CEMIP: variants seen among roughly 807,000 people sequenced by gnomAD.
CEMIP encodes the protein cell migration-inducing and hyaluronan-binding protein.
CEMIP carries 105 observed loss-of-function variants against 156.9 expected under a neutral mutation model. The observed-to-expected ratio is 0.67, with a 90% CI of 0.57 to 0.79. The LOEUF (loss-of-function observed/expected upper bound fraction) is 0.79, where lower values mean the gene tolerates loss of function less well. Among genes scored for constraint, CEMIP ranks in the 30% least tolerant of loss-of-function variants. CEMIP has a pLI of 0.00. For synonymous variants in CEMIP, 676 were observed against 668.4 expected (o/e 1.01, Z -0.17); for missense variants, 1,457 against 1,769.4 (o/e 0.82, Z 3.17).
At chr15:80,852,425 A>G (rs1897736462) in intron 1 of CEMIP, among the ~76,000 whole-genome samples, 1 of 152,042 alleles carries the variant, frequency 6.6e-6, no homozygotes, top group Admixed American at 6.6e-5. Context: ...AGGTACGATT[A>G]CTAACCAGTA....
rs1390023156 is a variant in CEMIP at position 80,899,239 on chromosome 15, G to A, written c.1411+3179G>A. The stretch of plus-strand genomic sequence containing the variant: ...AAAAAAAAAAAAAAAGAAAGAAAGA[G>A]AGAAAGAAAACACATACAATGTGCC... On this transcript the variant is annotated intron_variant, in intron 12 of 29. Coordinates refer to ENST00000394685, the MANE Select transcript of CEMIP (RefSeq NM_001293298.2). Among the ~76,000 whole-genome samples, 7 of 116,138 alleles carry A rather than the reference G, an allele frequency of 6.0e-5. No homozygotes were observed. In the East Asian group the frequency reaches 7.8e-4, roughly 13 times the overall value. The allele number at this position is 116,138 out of a possible 152,430, so 76.2% of individuals were successfully genotyped here.
In CEMIP at chr15:80,945,615, C is replaced by G. The variant is rs113821173; in HGVS notation, c.3858-1350C>G. On this transcript the variant is annotated intron_variant, in intron 28 of 29. Coordinates refer to ENST00000394685, the MANE Select transcript of CEMIP (RefSeq NM_001293298.2). ...CCTTCCCATCTATCCTTATTTCACA[C>G]AAGCCCTTCGCATCTTAAGATCTTT... 3.9e-3 allele frequency among the ~76,000 whole-genome samples: 598 copies of G among 152,348 alleles called. 3 individuals carry two copies. Among genetic ancestry groups the G allele is most frequent in the African/African-American group, 0.014 (565 of 41,578 alleles).
chr15:80,907,875 T>C (rs1448717594), intron 13 of CEMIP, among the ~76,000 whole-genome samples: 2 of 152,228 alleles, frequency 1.3e-5, no homozygotes, highest in Admixed American at 1.3e-4. Context: ...CTAAGACAGT[T>C]CTCGTAAAGC....
rs575893539 is a variant in CEMIP, at chr15:80,932,892, T to A, written c.2794-353T>A. On this transcript the variant is annotated intron_variant, in intron 22 of 29. Coordinates refer to ENST00000394685, the MANE Select transcript of CEMIP (RefSeq NM_001293298.2). This position sits in a 1 kb window ranked among gnomAD's most constrained non-coding sequence, Gnocchi z 4.5. ...TTCTCATACACACATCACCCCCACC[T>A]CCCTCTCACACACAGTCACACTCAC... is the stretch of plus-strand genomic sequence containing the variant. Among the ~76,000 whole-genome samples the A allele has an allele frequency of 5.3e-5, 8 of 152,106 alleles. No homozygotes were observed. In the South Asian group the frequency reaches 1.7e-3, roughly 32 times the overall value.
intron 1 of CEMIP, among the ~76,000 whole-genome samples, chr15:80,844,284 T>G (rs1897501489): frequency 6.6e-6 from 1 of 152,208 alleles, no homozygotes; most frequent in African/African-American, 2.4e-5. Context: ...GGGGCCTCTC[T>G]GCCTGCGCCC....
At position 80,919,673 on chromosome 15, in the gene CEMIP, G is replaced by A. The variant is rs372396781; in HGVS notation, c.1798-421G>A. On this transcript the variant is annotated intron_variant, in intron 14 of 29. Transcript: ENST00000394685. Reference sequence around the variant, plus strand: ...CTGAAAACACGCAGAAAATTAGCTGGGTGTGGGGGCGTGTGCCTATAGTCC... The same window carrying A: ...CTGAAAACACGCAGAAAATTAGCTGAGTGTGGGGGCGTGTGCCTATAGTCC... 5.9e-5 allele frequency among the ~76,000 whole-genome samples: 9 copies of A among 152,144 alleles called. No homozygotes were observed. In the East Asian group the frequency reaches 1.5e-3, roughly 26 times the overall value.
At chr15:80,821,426 C>A (rs1240077821) in intron 1 of CEMIP, among the ~76,000 whole-genome samples, 1 of 152,142 alleles carries the variant, frequency 6.6e-6, no homozygotes, top group Non-Finnish European at 1.5e-5. Flanking sequence ...AGTACAGGTG[C>A]TTTCTAGGAA....
At chr15:80,821,539 C>T (rs187355126) in intron 1 of CEMIP, among the ~76,000 whole-genome samples, 15 of 152,020 alleles carry the variant, frequency 9.9e-5, no homozygotes, top group East Asian at 5.8e-4. Context: ...TAATAGGGTC[C>T]GAAAATAGAA....
At chr15:80,889,776 C>T (rs572027820) in intron 10 of CEMIP, among the ~76,000 whole-genome samples, 184 bp downstream of exon 10, 24 of 152,318 alleles carry the variant, frequency 1.6e-4, no homozygotes, top group African/African-American at 5.5e-4. Flanking sequence ...TGCCCAAAAG[C>T]CAGGGCTCAG....
intron 25 of CEMIP, among the ~76,000 whole-genome samples, chr15:80,938,835 C>CAGCT (rs1220843912): frequency 1.3e-5 from 2 of 152,144 alleles, no homozygotes; most frequent in Non-Finnish European, 2.9e-5. Context: ...AATGCCAACC[C>CAGCT]AGCTCCACAG....
In CEMIP at chr15:80,924,688, T is replaced by C; in HGVS notation, c.2270T>C (p.Leu757Pro). ...TCTGCCAAGGACAAGCGGCCGTTCCTCTCAATCATCTCTGCCAGGTAATCA... is the reference window on the plus strand; with the variant it reads ...TCTGCCAAGGACAAGCGGCCGTTCCCCTCAATCATCTCTGCCAGGTAATCA... ...EASAKDKRPF[L>P]SIISARYSPH... Residue 757 changes from leucine to proline, a missense_variant, in exon 18 of 30, where the codon CTC (leucine) becomes CCC (proline). Coordinates refer to ENST00000394685, the MANE Select transcript of CEMIP (RefSeq NM_001293298.2). 6.2e-7 allele frequency: 1 copy of C among 1,614,070 alleles called. No individual in the cohort carries two copies. Among genetic ancestry groups the C allele is most frequent in the Non-Finnish European group, 8.5e-7 (1 of 1,179,994 alleles).
At chr15:80,800,672 A>G (rs531111679) in intron 1 of CEMIP, among the ~76,000 whole-genome samples, 2 of 152,260 alleles carry the variant, frequency 1.3e-5, no homozygotes, top group South Asian at 4.2e-4. Context: ...CTCTTGAGGG[A>G]ATCTTTTGAA....
At chr15:80,790,238 T>G (rs1414196027) in intron 1 of CEMIP, among the ~76,000 whole-genome samples, 2 of 152,230 alleles carry the variant, frequency 1.3e-5, no homozygotes, top group African/African-American at 2.4e-5. Flanking sequence ...TTTTTAAATA[T>G]TCAAATGAAT....
intron 28 of CEMIP, among the ~76,000 whole-genome samples, chr15:80,945,930 A>T (rs1167025789): frequency 1.3e-5 from 2 of 152,174 alleles, no homozygotes; most frequent in Non-Finnish European, 2.9e-5. Context: ...GAACTTTTGC[A>T]ATTTGGGACC....
intron 1 of CEMIP, among the ~76,000 whole-genome samples, chr15:80,867,577 TG>T (rs1462378707): frequency 6.6e-6 from 1 of 152,204 alleles, no homozygotes; most frequent in Non-Finnish European, 1.5e-5. Flanking sequence ...GCCCTGTCCC[TG>T]GGGTCCCCGC....
intron 1 of CEMIP, among the ~76,000 whole-genome samples, chr15:80,817,225 A>C (rs190862279): frequency 6.6e-6 from 1 of 152,236 alleles, no homozygotes; most frequent in East Asian, 1.9e-4. Context: ...CTGTCATTTG[A>C]AGGAGAAGTG....
chr15:80,906,632 T>C lies in CEMIP; in HGVS notation c.1412-31T>C. 2 of 1,598,198 alleles carry C rather than the reference T, an allele frequency of 1.3e-6. No individual in the cohort carries two copies. The highest frequency in any genetic ancestry group is 2.3e-5 in the South Asian group (2 of 88,570). On this transcript the variant is annotated intron_variant, in intron 12 of 29. Transcript: ENST00000394685. This position sits in a 1 kb window ranked among gnomAD's most constrained non-coding sequence, Gnocchi z 4.3. The stretch of plus-strand genomic sequence containing the variant: ...AACTCAGTGGGCATGCAGTACCTGC[T>C]GTTGTTTACCGTCCTCCCTTTCTGC...
chr15:80,873,161 G>T (rs191484552), intron 1 of CEMIP, among the ~76,000 whole-genome samples: 1 of 152,344 alleles, frequency 6.6e-6, no homozygotes, highest in East Asian at 1.9e-4. Flanking sequence ...ACTGAGGAAT[G>T]TAATCTTTAT....
At chr15:80,853,797 A>G (rs1324164752) in intron 1 of CEMIP, among the ~76,000 whole-genome samples, 2 of 152,250 alleles carry the variant, frequency 1.3e-5, no homozygotes, top group Non-Finnish European at 2.9e-5. Flanking sequence ...GTTGAATGGC[A>G]TAGAACAGAC....
Sources: allele counts gnomAD v4.1 joint callset (sites outside exome capture counted in the v4.1 genomes callset), GRCh38; gene constraint gnomAD v4.1.1; non-coding constraint Gnocchi (gnomAD v3.1); transcripts MANE v1.5; gene names NCBI Gene and HGNC (gene_info 2026-07-23, HGNC 2026-07-21).